Variants in COL9A1 observed in about 807,000 individuals in gnomAD.
The protein encoded by COL9A1 is collagen alpha-1(IX) chain.
A neutral mutation model predicts 142.6 loss-of-function variants in COL9A1; 104 were observed. That is an observed-to-expected ratio of 0.73 (90% CI 0.62 to 0.86). The LOEUF (loss-of-function observed/expected upper bound fraction) is 0.86. Among genes scored for constraint, COL9A1 ranks in the 40% least tolerant of loss-of-function variants. COL9A1 has a pLI of 0.00. For missense variants in COL9A1, 1,210 were observed against 1,176.6 expected, an observed-to-expected ratio of 1.03 and a Z score of -0.42; for synonymous variants, 466 against 396.0, an observed-to-expected ratio of 1.18 and a Z score of -2.10.
chr6:70,232,822 A>G, intron 35 of COL9A1, 51 bp from the exon 36 acceptor site: 1 of 1,544,636 alleles, frequency 6.5e-7, no homozygotes, highest in Non-Finnish European at 8.8e-7. Context: ...CATAAAAGTT[A>G]TTCTAATGAA....
chr6:70,287,520 T>A (rs1773503418), intron 5 of COL9A1, among the ~76,000 whole-genome samples: 1 of 152,084 alleles, frequency 6.6e-6, no homozygotes, highest in Non-Finnish European at 1.5e-5. Context: ...AAGTTATCTG[T>A]CAGATAAAAA....
At chr6:70,248,875 A>G (rs946896952) in intron 28 of COL9A1, among the ~76,000 whole-genome samples, 2 of 152,208 alleles carry the variant, frequency 1.3e-5, no homozygotes, top group Non-Finnish European at 2.9e-5. Context: ...AGTTCAGAAT[A>G]AGGAAAGATC....
chr6:70,225,861 T>G (rs1769192080), intron 37 of COL9A1, 71 bp downstream of exon 37: 1 of 1,099,514 alleles, frequency 9.1e-7, no homozygotes, highest in Non-Finnish European at 1.4e-6. Context: ...TTTTAAAATT[T>G]TATTCAATTC....
chr6:70,260,314 G>C (rs1257591650), intron 20 of COL9A1, among the ~76,000 whole-genome samples: 1 of 152,146 alleles, frequency 6.6e-6, no homozygotes, highest in African/African-American at 2.4e-5. Context: ...GGCCGAGCCA[G>C]GTGGATTACC....
intron 5 of COL9A1, among the ~76,000 whole-genome samples, chr6:70,291,857 C>T (rs918970713): frequency 1.3e-5 from 2 of 152,076 alleles, no homozygotes; most frequent in Non-Finnish European, 2.9e-5. Flanking sequence ...AATGTTGTGC[C>T]TAACACTATT....
At chr6:70,258,070 A>C (rs1771436117) in intron 20 of COL9A1, among the ~76,000 whole-genome samples, 1 of 152,188 alleles carries the variant, frequency 6.6e-6, no homozygotes, top group South Asian at 2.1e-4. Flanking sequence ...TCTTGAAATA[A>C]TCTCTGATGT....
intron 28 of COL9A1, among the ~76,000 whole-genome samples, chr6:70,249,351 G>C (rs149592839): frequency 1.3e-5 from 2 of 152,228 alleles, no homozygotes; most frequent in African/African-American, 2.4e-5. Context: ...GCAGGACAGA[G>C]GTCATGGATG....
chr6:70,278,329 T>A (rs1009635876), intron 10 of COL9A1, among the ~76,000 whole-genome samples: 1 of 152,232 alleles, frequency 6.6e-6, no homozygotes, highest in Admixed American at 6.5e-5. Flanking sequence ...TCAAGAAATC[T>A]GGACTATTTT....
At chr6:70,268,974 C>A (rs1002392872) in intron 16 of COL9A1, 114 bp from the exon 17 acceptor site, 1 of 783,560 alleles carries the variant, frequency 1.3e-6, no homozygotes, top group African/African-American at 1.7e-5. Context: ...AACTCCATTG[C>A]AATAATATTC....
intron 33 of COL9A1, among the ~76,000 whole-genome samples, chr6:70,237,238 G>A (rs1472541615): frequency 6.6e-6 from 1 of 152,218 alleles, no homozygotes; most frequent in Non-Finnish European, 1.5e-5. Context: ...GATAATGACT[G>A]AAATACTGCT....
intron 14 of COL9A1, among the ~76,000 whole-genome samples, chr6:70,270,910 C>T (rs1406155713): frequency 1.3e-5 from 2 of 152,190 alleles, no homozygotes; most frequent in Non-Finnish European, 2.9e-5. Context: ...GTAAACCGTT[C>T]AGATGAAAAT....
intron 9 of COL9A1, 45 bp downstream of exon 9, chr6:70,280,959 G>T (rs555250968): frequency 1.2e-6 from 2 of 1,612,980 alleles, no homozygotes; most frequent in Non-Finnish European, 1.7e-6. Flanking sequence ...TGCAAAACAC[G>T]TCTAAAGGAA....
chr6:70,226,145 T>C (rs2127552894), intron 36 of COL9A1, 136 bp from the exon 37 acceptor site: 1 of 715,118 alleles, frequency 1.4e-6, no homozygotes, highest in Non-Finnish European at 2.4e-6. Flanking sequence ...GTAGTGAGTA[T>C]GTAGCAAGGC....
chr6:70,228,243 A>G, intron 36 of COL9A1, among the ~76,000 whole-genome samples: 1 of 152,112 alleles, frequency 6.6e-6, no homozygotes, highest in Non-Finnish European at 1.5e-5. Context: ...GACATTTACA[A>G]GACAGTTGAT....
chr6:70,291,402 C>T (rs1362610027), intron 5 of COL9A1, among the ~76,000 whole-genome samples: 4 of 152,120 alleles, frequency 2.6e-5, no homozygotes, highest in Admixed American at 6.5e-5. Flanking sequence ...GGCCCCCACT[C>T]TCATGCCTCC....
intron 28 of COL9A1, among the ~76,000 whole-genome samples, chr6:70,247,397 C>T (rs907148552): frequency 2.0e-5 from 3 of 152,094 alleles, no homozygotes; most frequent in African/African-American, 4.8e-5. Flanking sequence ...AATTATTTTC[C>T]CAATAAATGG....
chr6:70,237,675 C>G (rs563219705), intron 33 of COL9A1, among the ~76,000 whole-genome samples: 1 of 152,328 alleles, frequency 6.6e-6, no homozygotes, highest in East Asian at 1.9e-4. Flanking sequence ...AGTAGGATTT[C>G]TATTACCAAA....
At chr6:70,287,677 C>T (rs555525650) in intron 5 of COL9A1, among the ~76,000 whole-genome samples, 1 of 152,284 alleles carries the variant, frequency 6.6e-6, no homozygotes, top group African/African-American at 2.4e-5. Flanking sequence ...GCTTTCACTC[C>T]CAACACTCCA....
intron 5 of COL9A1, among the ~76,000 whole-genome samples, chr6:70,284,450 A>T (rs895363041): frequency 1.3e-5 from 2 of 152,236 alleles, no homozygotes; most frequent in African/African-American, 4.8e-5. Flanking sequence ...GGAGAAAAAG[A>T]TATAAAATAT....
Sources: gnomAD v4.1 joint callset for allele counts (sites outside exome capture counted in the v4.1 genomes callset) on GRCh38, gnomAD v4.1.1 for gene constraint, MANE v1.5 for transcripts, NCBI Gene and HGNC (gene_info 2026-07-23, HGNC 2026-07-21) for gene names.